GRIN2B: variants seen among roughly 807,000 people sequenced by gnomAD.
The protein encoded by GRIN2B is glutamate ionotropic receptor NMDA type subunit 2B.
Under a neutral mutation model 114.5 loss-of-function variants are expected in GRIN2B, and 5 were observed. The ratio of observed to expected loss-of-function variants is 0.04; its 90% CI spans 0.02 to 0.09. The LOEUF (loss-of-function observed/expected upper bound fraction) is 0.09, where lower values mean the gene tolerates loss of function less well. Among genes scored for constraint, GRIN2B ranks in the 10% least tolerant of loss-of-function variants. GRIN2B has a pLI of 1.00. For missense variants in GRIN2B, 1,108 were observed against 1,943.5 expected, an observed-to-expected ratio of 0.57 and a Z score of 8.08; for synonymous variants, 787 against 745.1, an observed-to-expected ratio of 1.06 and a Z score of -0.92.
At chr12:13,697,946 C>G (rs1950276033) in intron 4 of GRIN2B, among the ~76,000 whole-genome samples, 1 of 152,206 alleles carries the variant, frequency 6.6e-6, no homozygotes, top group Non-Finnish European at 1.5e-5. Context: ...ATCACTTTTG[C>G]ATCTGACATG....
chr12:13,863,673 G>A (rs1415254147), intron 3 of GRIN2B, among the ~76,000 whole-genome samples: 1 of 151,960 alleles, frequency 6.6e-6, no homozygotes, highest in African/African-American at 2.4e-5. Flanking sequence ...ATACATCAGC[G>A]AAAAAAAGAG....
At chr12:13,844,477 G>A (rs1266314539) in intron 3 of GRIN2B, among the ~76,000 whole-genome samples, 1 of 152,140 alleles carries the variant, frequency 6.6e-6, no homozygotes, top group Non-Finnish European at 1.5e-5. Context: ...AAAACCATCA[G>A]CCAAGGTCTA....
chr12:13,675,676 C>G lies in GRIN2B; in HGVS notation c.1125+69G>C. 1.3e-5 allele frequency: 12 copies of G among 955,620 alleles called. No homozygotes were observed. In the South Asian group the frequency reaches 1.5e-4, roughly 12 times the overall value. 59.2% of individuals were successfully genotyped at this position (955,620 alleles called of 1,614,324 possible). ...GGACAAAAGCCAAAGGACTACTTTC[C>G]TTCATTGTGTTGCAAAATTTCACAT... On this transcript the variant is annotated intron_variant, in intron 5 of 13. Coordinates refer to ENST00000609686, the MANE Select transcript of GRIN2B (RefSeq NM_000834.5).
Position 13,740,591 on chromosome 12 carries a change from G to A in GRIN2B, c.1010+12726C>T, listed in dbSNP as rs143176639. On this transcript the variant is annotated intron_variant, in intron 4 of 13. Transcript: ENST00000609686. ...CTGTCAAAAATGAATAGTGGTACTG[G>A]AGGACATTTGTAAATCATGGCAGAG... Among the ~76,000 whole-genome samples the A allele has an allele frequency of 2.9e-3, 434 of 152,076 alleles. 5 individuals are homozygous for A. Among genetic ancestry groups the A allele is most frequent in the African/African-American group, 1.0e-2 (413 of 41,472 alleles).
In GRIN2B at chr12:13,563,236, G is replaced by A. The variant is rs1948573872; in HGVS notation, c.4002C>T (p.Ser1334=). The change falls in exon 14 of 14, where the codon AGC becomes AGT. Residue 1334 remains serine (S), a synonymous_variant. Coordinates refer to ENST00000609686, the MANE Select transcript of GRIN2B (RefSeq NM_000834.5). ...ACATCTCAAACATGTGGGCGTAGGGGCTCCCATCCATGAATCGGCCCTTGT... is the reference window on the plus strand; with the variant it reads ...ACATCTCAAACATGTGGGCGTAGGGACTCCCATCCATGAATCGGCCCTTGT... The part of the protein sequence containing the change: ...LKDKGRFMDG[S]PYAHMFEMSA... The A allele has an allele frequency of 6.2e-7, 1 of 1,614,106 alleles. No homozygotes were observed. The highest frequency in any genetic ancestry group is 1.3e-5 in the African/African-American group (1 of 74,938).
At position 13,550,025 on chromosome 12, in the gene GRIN2B, G is replaced by C. The variant is rs1267754648; in HGVS notation, c.*12758C>G. On this transcript the variant is annotated 3_prime_UTR_variant, in exon 14 of 14. Transcript: ENST00000609686. ...AGCTAGACTGAGAGTTAGAAATTTG[G>C]ACAAGTTTTGGTTCAGCCAAGTTTT... 6.6e-6 allele frequency: 1 copy of C among 152,162 alleles called. No individual in the cohort carries two copies. The highest frequency in any genetic ancestry group is 1.5e-5 in the Non-Finnish European group (1 of 68,006). 9.4% of individuals were successfully genotyped at this position (152,162 alleles called of 1,614,324 possible). A position where few individuals can be genotyped will look rare whatever the true frequency, so the allele number is the denominator to read the frequency against.
At chr12:13,798,601 G>C (rs1333939803) in intron 3 of GRIN2B, among the ~76,000 whole-genome samples, 2 of 152,088 alleles carry the variant, frequency 1.3e-5, no homozygotes, top group African/African-American at 4.8e-5. Flanking sequence ...TATTTGTTCA[G>C]GTTCCTCTCT....
intron 3 of GRIN2B, among the ~76,000 whole-genome samples, chr12:13,848,123 G>A (rs1158891408): frequency 1.3e-5 from 2 of 152,150 alleles, no homozygotes; most frequent in East Asian, 1.9e-4. Flanking sequence ...GATCAGAGAG[G>A]ATCCCCACAA....
chr12:13,600,979 T>C, intron 10 of GRIN2B, among the ~76,000 whole-genome samples: 1 of 152,340 alleles, frequency 6.6e-6, no homozygotes, highest in East Asian at 1.9e-4. Flanking sequence ...GGATCCATTC[T>C]TCCAGGCAAA....
intron 10 of GRIN2B, among the ~76,000 whole-genome samples, chr12:13,591,769 T>C (rs949019238): frequency 6.6e-6 from 1 of 151,972 alleles, no homozygotes; most frequent in African/African-American, 2.4e-5. Flanking sequence ...AATACAAAGG[T>C]TAATATATTT....
chr12:13,564,847 T>C lies in GRIN2B; in HGVS notation c.2599-208A>G, dbSNP rs1392709039. Among the ~76,000 whole-genome samples, 3 of 151,886 alleles carry C rather than the reference T, an allele frequency of 2.0e-5. No homozygotes were observed. The highest frequency in any genetic ancestry group is 4.4e-5 in the Non-Finnish European group (3 of 67,942). ...CTGTCATGTGGTGAGCTGAGGTCAG[T>C]GACCTGGCCATCAGAGGGGGGGGCA... On this transcript the variant is annotated intron_variant, in intron 13 of 13. Coordinates refer to ENST00000609686, the MANE Select transcript of GRIN2B (RefSeq NM_000834.5). The surrounding 1 kb of genome is among the most constrained non-coding windows in gnomAD (Gnocchi z 4.8).
At chr12:13,979,209 A>T (rs1863085864) in intron 2 of GRIN2B, among the ~76,000 whole-genome samples, 1 of 152,186 alleles carries the variant, frequency 6.6e-6, no homozygotes, top group South Asian at 2.1e-4. Context: ...AAAAAATACA[A>T]ATTAAAAGCA....
At chr12:13,904,498 C>T (rs1420481635) in intron 2 of GRIN2B, among the ~76,000 whole-genome samples, 3 of 152,032 alleles carry the variant, frequency 2.0e-5, no homozygotes, top group Non-Finnish European at 4.4e-5. Context: ...AATTGCATCA[C>T]TATTAGTCAT....
chr12:13,934,665 C>T (rs219892), intron 2 of GRIN2B, among the ~76,000 whole-genome samples: 116,758 of 150,154 alleles, frequency 0.78, 46,623 homozygotes, highest in Non-Finnish European at 0.86. Context: ...AACAGGGCAT[C>T]TGGCCATCAC....
intron 4 of GRIN2B, among the ~76,000 whole-genome samples, chr12:13,744,421 G>T (rs940076224): frequency 1.3e-5 from 2 of 152,180 alleles, no homozygotes; most frequent in Non-Finnish European, 2.9e-5. Context: ...ATGAATATGA[G>T]TGTGTGCGTG....
rs769959946 is a variant in GRIN2B at position 13,616,538 on chromosome 12, T to C, written c.1245A>G (p.Pro415=). Reference sequence around the variant, plus strand: ...GGTCCACACTTTCCACAATGACAAATGGTGCCTCCTCCAGGGTCACAATGC... The same window carrying C: ...GGTCCACACTTTCCACAATGACAAACGGTGCCTCCTCCAGGGTCACAATGC... The part of the protein sequence containing the change: ...HLSIVTLEEA[P]FVIVESVDPL... The change falls in exon 6 of 14, where the codon CCA becomes CCG. Residue 415 remains proline (P), a synonymous_variant. Coordinates refer to ENST00000609686, the MANE Select transcript of GRIN2B (RefSeq NM_000834.5). The C allele has an allele frequency of 4.3e-6, 7 of 1,614,098 alleles. No individual in the cohort carries two copies. The highest frequency in any genetic ancestry group is 1.7e-5 in the Admixed American group (1 of 60,024).
chr12:13,694,656 C>CATATATATAT (rs67570541), intron 4 of GRIN2B, among the ~76,000 whole-genome samples: 27 of 71,330 alleles, frequency 3.8e-4, no homozygotes, highest in Admixed American at 6.7e-4. Context: ...AAGAAAATGT[C>CATATATATAT]ATATATATAT....
intron 5 of GRIN2B, among the ~76,000 whole-genome samples, chr12:13,667,836 T>A (rs1949992046): frequency 6.6e-6 from 1 of 152,186 alleles, no homozygotes; most frequent in South Asian, 2.1e-4. Context: ...TCTTTGTAGG[T>A]GCAGATATGG....
chr12:13,840,141 G>A (rs1057507610), intron 3 of GRIN2B, among the ~76,000 whole-genome samples: 6 of 108,848 alleles, frequency 5.5e-5, no homozygotes, highest in Non-Finnish European at 1.2e-4. Flanking sequence ...AGTGCGTAAC[G>A]TACTGCTCTG....
Sources: gnomAD v4.1 joint callset for allele counts (sites outside exome capture counted in the v4.1 genomes callset) on GRCh38, gnomAD v4.1.1 for gene constraint, Gnocchi (gnomAD v3.1) non-coding constraint, MANE v1.5 for transcripts, NCBI Gene and HGNC (gene_info 2026-07-23, HGNC 2026-07-21) for gene names.